GC: variants seen among roughly 807,000 people sequenced by gnomAD.
GC encodes the protein vitamin D-binding protein.
GC carries 43 observed loss-of-function variants against 56.7 expected under a neutral mutation model. That is an observed-to-expected ratio of 0.76 (90% CI 0.59 to 0.98). GC has a LOEUF of 0.98. Among genes scored for constraint, GC ranks in the 50% least tolerant of loss-of-function variants. The probability of loss-of-function intolerance (pLI) is 0.00; values close to 1 mark genes in which losing one functional copy is unlikely to be tolerated. For synonymous variants in GC, 216 were observed against 202.7 expected, an observed-to-expected ratio of 1.07 and a Z score of -0.56; for missense variants, 529 against 545.9, an observed-to-expected ratio of 0.97 and a Z score of 0.31.
intron 1 of GC, among the ~76,000 whole-genome samples, chr4:71,802,160 A>C (rs1743267699): frequency 6.6e-6 from 1 of 152,116 alleles, no homozygotes; most frequent in Non-Finnish European, 1.5e-5. Flanking sequence ...AGCATCATTA[A>C]TTTATCATTT....
upstream of GC, among the ~76,000 whole-genome samples, chr4:71,784,957 T>A (rs1742797938): frequency 6.6e-6 from 1 of 151,716 alleles, no homozygotes; most frequent in Non-Finnish European, 1.5e-5. Context: ...CATAGGTAGA[T>A]CATTCATTGG....
rs192835639 is a variant in GC at position 71,796,656 on chromosome 4, C to T, written c.21+7270G>A. Among the ~76,000 whole-genome samples the T allele has an allele frequency of 2.6e-5, 4 of 152,296 alleles. No individual in the cohort carries two copies. The East Asian group carries it at 7.7e-4, about 29-fold the overall frequency. On this transcript the variant is annotated intron_variant, in intron 1 of 13. Coordinates refer to the GC transcript ENST00000504199. ...TTTGTTATTACTGACCTTCTGAAGC[C>T]TACTTCTGTCAGTTCGTCAAAGTCA...
intron 4 of GC, among the ~76,000 whole-genome samples, chr4:71,765,211 A>G (rs1742116781): frequency 6.6e-6 from 1 of 152,150 alleles, no homozygotes; most frequent in Non-Finnish European, 1.5e-5. Context: ...AGATAATAGG[A>G]TTAGGGTTAG....
intron 1 of GC, among the ~76,000 whole-genome samples, chr4:71,771,978 A>C (rs2149303077): frequency 6.6e-6 from 1 of 152,296 alleles, no homozygotes; most frequent in South Asian, 2.1e-4. Flanking sequence ...GATTCTAGTA[A>C]GAAATCTTTA....
At chr4:71,760,329 G>A in intron 6 of GC, among the ~76,000 whole-genome samples, 2 of 151,962 alleles carry the variant, frequency 1.3e-5, no homozygotes. Context: ...TGGGATTACA[G>A]GTGTGAGCCA....
chr4:71,750,709 AC>A (rs1268465176), intron 11 of GC, among the ~76,000 whole-genome samples: 1 of 151,992 alleles, frequency 6.6e-6, no homozygotes, highest in Non-Finnish European at 1.5e-5. Flanking sequence ...ACATGGTGAA[AC>A]CCTGTCTCTA....
At chr4:71,772,603 G>A (rs1742375561) in intron 1 of GC, among the ~76,000 whole-genome samples, 1 of 152,014 alleles carries the variant, frequency 6.6e-6, no homozygotes, top group Non-Finnish European at 1.5e-5. Flanking sequence ...AGAATTCATG[G>A]GCATTATATA....
At chr4:71,779,669 C>A (rs1293986198) in intron 1 of GC, among the ~76,000 whole-genome samples, 1 of 151,832 alleles carries the variant, frequency 6.6e-6, no homozygotes, top group Non-Finnish European at 1.5e-5. Flanking sequence ...TTTCTCCTGT[C>A]CTAAATAGAT....
upstream of GC, chr4:71,784,212 A>G: frequency 3.1e-6 from 4 of 1,274,498 alleles, no homozygotes; most frequent in South Asian, 1.2e-4. Flanking sequence ...CAAAAGAGAT[A>G]AAATAATATC....
chr4:71,746,957 G>A (rs1306496669), intron 11 of GC, among the ~76,000 whole-genome samples: 2 of 151,984 alleles, frequency 1.3e-5, no homozygotes, highest in Non-Finnish European at 2.9e-5. Context: ...CTATAAACCA[G>A]GTGAAAGATT....
intron 11 of GC, among the ~76,000 whole-genome samples, chr4:71,746,590 C>T (rs897112586): frequency 6.6e-6 from 1 of 151,630 alleles, no homozygotes; most frequent in African/African-American, 2.4e-5. Flanking sequence ...CCACGGCAAG[C>T]CTGATGAGAA....
In GC at chr4:71,762,027, G is replaced by A. The variant is rs187725263; in HGVS notation, c.701+1381C>T. Reference sequence around the variant, plus strand: ...ATGGAGCTATGAGAAGAGGGCCACCGTTCTCCAGACCCCAGAATGGTAGAT... The same window carrying A: ...ATGGAGCTATGAGAAGAGGGCCACCATTCTCCAGACCCCAGAATGGTAGAT... On this transcript the variant is annotated intron_variant, in intron 6 of 12. Transcript: ENST00000273951. 1.4e-4 allele frequency among the ~76,000 whole-genome samples: 21 copies of A among 152,278 alleles called. No homozygotes were observed. In the South Asian group the frequency reaches 1.5e-3, roughly 11 times the overall value.
At chr4:71,764,024 C>G in intron 4 of GC, 88 bp from the exon 5 acceptor site, 1 of 1,014,374 alleles carries the variant, frequency 9.9e-7, no homozygotes, top group Non-Finnish European at 1.5e-6. Flanking sequence ...GCCCTGTCAT[C>G]TAGGCTGGAG....
At chr4:71,756,058 G>C (rs1741757823) in intron 8 of GC, among the ~76,000 whole-genome samples, 1 of 151,674 alleles carries the variant, frequency 6.6e-6, no homozygotes. Flanking sequence ...CCATTTCTTT[G>C]CATTAAATCT....
At chr4:71,746,772 TAAAA>T (rs34865299) in intron 11 of GC, among the ~76,000 whole-genome samples, 1 of 100,646 alleles carries the variant, frequency 9.9e-6, no homozygotes, top group African/African-American at 4.2e-5. Context: ...CTCTATTTTG[TAAAA>T]AAAAAAAAAA....
upstream of GC, among the ~76,000 whole-genome samples, chr4:71,786,582 T>G (rs1352583022): frequency 2.0e-5 from 3 of 151,878 alleles, no homozygotes; most frequent in African/African-American, 7.2e-5. Flanking sequence ...TTTCCCTCTT[T>G]CCTCTTTTTC....
Position 71,746,172 on chromosome 4 carries a change from A to G in GC, c.*4T>C, listed in dbSNP as rs756905671. On this transcript the variant is annotated 3_prime_UTR_variant, in exon 12 of 13. Transcript: ENST00000273951. ...TTACCAAAGTTAATAAACATGCTTC[A>G]GGACTACAGGATATTCTTCAATTCA... 16 of 1,298,240 alleles carry G rather than the reference A, an allele frequency of 1.2e-5. No homozygotes were observed. The South Asian group carries it at 1.3e-4, about 11-fold the overall frequency. 80.4% of individuals were successfully genotyped at this position (1,298,240 alleles called of 1,614,324 possible). A position where few individuals can be genotyped will look rare whatever the true frequency, so the allele number is the denominator to read the frequency against.
At chr4:71,782,179 T>A (rs1742702194) in intron 1 of GC, among the ~76,000 whole-genome samples, 1 of 151,732 alleles carries the variant, frequency 6.6e-6, no homozygotes, top group South Asian at 2.1e-4. Flanking sequence ...CTGTGGGTGG[T>A]CAGCTCTCTA....
chr4:71,785,687 A>G (rs1484256881), upstream of GC, among the ~76,000 whole-genome samples: 1 of 151,788 alleles, frequency 6.6e-6, no homozygotes, highest in Non-Finnish European at 1.5e-5. Flanking sequence ...CAACTTCCTG[A>G]TTACTATAAA....
Sources: allele counts gnomAD v4.1 joint callset (sites outside exome capture counted in the v4.1 genomes callset), GRCh38; gene constraint gnomAD v4.1.1; transcripts MANE v1.5; gene names NCBI Gene and HGNC (gene_info 2026-07-23, HGNC 2026-07-21).